The following MICAL2 variants were observed in gnomAD, a reference collection of about 807,000 sequenced individuals.
MICAL2 encodes the protein [F-actin]-monooxygenase MICAL2.
Under a neutral mutation model 127.3 loss-of-function variants are expected in MICAL2, and 77 were observed. The observed-to-expected ratio is 0.60, with a 90% CI of 0.50 to 0.73. MICAL2 has a LOEUF of 0.73. MICAL2 is among the 30% of genes least tolerant of loss of function. The probability of loss-of-function intolerance (pLI) is 0.00; values close to 1 mark genes in which losing one functional copy is unlikely to be tolerated. For synonymous variants in MICAL2, 570 were observed against 551.1 expected (o/e 1.03, Z -0.48); for missense variants, 1,351 against 1,434.4 (o/e 0.94, Z 0.94).
intron 26 of MICAL2, chr11:12,260,165 T>C (rs1211558686): frequency 1.3e-6 from 2 of 1,509,472 alleles, no homozygotes; most frequent in African/African-American, 2.8e-5. Context: ...CCAGTCAAGC[T>C]CCGCTGACAT....
chr11:12,155,302 A>G (rs1473390725), intron 2 of MICAL2, among the ~76,000 whole-genome samples: 1 of 152,196 alleles, frequency 6.6e-6, no homozygotes, highest in East Asian at 1.9e-4. Context: ...CTCACCACAC[A>G]TACATGTACA....
chr11:12,338,630 G>A (rs529783404), intron 32 of MICAL2, among the ~76,000 whole-genome samples: 6 of 152,286 alleles, frequency 3.9e-5, no homozygotes, highest in East Asian at 3.9e-4. Flanking sequence ...TCCTTCAGGA[G>A]CTCTTTTAGG....
At chr11:12,237,063 G>A (rs2050563061) in intron 16 of MICAL2, among the ~76,000 whole-genome samples, 1 of 152,170 alleles carries the variant, frequency 6.6e-6, no homozygotes, top group Admixed American at 6.5e-5. Flanking sequence ...ATAGTTGCAT[G>A]ACATGGTTGT....
intron 2 of MICAL2, among the ~76,000 whole-genome samples, chr11:12,147,595 C>T (rs930783290): frequency 2.6e-5 from 4 of 152,194 alleles, no homozygotes; most frequent in African/African-American, 7.2e-5. Flanking sequence ...GATTAGTGCA[C>T]AAAACACATG....
At chr11:12,179,805 G>C (rs975044567) in intron 3 of MICAL2, among the ~76,000 whole-genome samples, 2 of 152,208 alleles carry the variant, frequency 1.3e-5, no homozygotes, top group African/African-American at 4.8e-5. Context: ...ATAACTTAAT[G>C]CTGAGCCTCT....
At chr11:12,182,499 A>C (rs1012043235) in intron 3 of MICAL2, among the ~76,000 whole-genome samples, 2 of 152,210 alleles carry the variant, frequency 1.3e-5, no homozygotes, top group African/African-American at 4.8e-5. Flanking sequence ...CACACACGAC[A>C]CGATTCCTAG....
chr11:12,111,316 A>C (rs1213764520), intron 1 of MICAL2, among the ~76,000 whole-genome samples: 1 of 152,192 alleles, frequency 6.6e-6, no homozygotes, highest in African/African-American at 2.4e-5. Context: ...TCCGCTCTGC[A>C]TCGCGTCTCC....
At chr11:12,242,579 C>T (rs1315464316) in intron 19 of MICAL2, 92 bp from the exon 20 acceptor site, 4 of 1,439,948 alleles carry the variant, frequency 2.8e-6, no homozygotes, top group East Asian at 2.3e-5. Context: ...GCAAGGCCCC[C>T]GGCTGCCTCC....
chr11:12,332,076 C>A (rs897984516), intron 32 of MICAL2, among the ~76,000 whole-genome samples: 1 of 152,122 alleles, frequency 6.6e-6, no homozygotes, highest in Non-Finnish European at 1.5e-5. Context: ...GCCACCACCG[C>A]CCCCAAAAAA....
chr11:12,358,205 C>G (rs1939157622), intron 34 of MICAL2: 5 of 1,277,032 alleles, frequency 3.9e-6, no homozygotes, highest in Middle Eastern at 1.9e-4. Flanking sequence ...AAAGGCAGAA[C>G]AAGTCCATAA....
rs200146203 is a variant in MICAL2, at chr11:12,162,246, G to A, written c.91G>A (p.Ala31Thr). The change falls in exon 3 of 28, where the codon GCC becomes ACC. Residue 31 changes from alanine (A) to threonine (T), a missense_variant. By Grantham distance (58) the Ala-to-Thr change is moderately conservative. Transcript: ENST00000683283. ...ATCCACGTGCAAAGGTACCCTCCAG[G>A]CCTTCAACATTCTCACACGACACCT... ...QASTCKGTLQAFNILTRHLDL... is the reference protein window; with the variant it reads ...QASTCKGTLQTFNILTRHLDL... 3.8e-4 allele frequency: 617 copies of A among 1,614,074 alleles called. 4 individuals are homozygous for A. The highest frequency in any genetic ancestry group is 1.2e-3 in the Admixed American group (75 of 60,010).
chr11:12,246,713 G>A (rs12421014), intron 21 of MICAL2, among the ~76,000 whole-genome samples: 75,406 of 151,950 alleles, frequency 0.5, 18,979 homozygotes, highest in Middle Eastern at 0.67. Flanking sequence ...TGATCCTCCT[G>A]CCTCAGCCTT....
At chr11:12,340,102 T>C (rs1040785315) in intron 32 of MICAL2, among the ~76,000 whole-genome samples, 9 of 152,208 alleles carry the variant, frequency 5.9e-5, no homozygotes, top group African/African-American at 1.9e-4. Context: ...TGGTTGAATC[T>C]GAGGATGTAG....
upstream of MICAL2, among the ~76,000 whole-genome samples, chr11:12,275,776 TC>T (rs1863717170): frequency 7.9e-5 from 12 of 152,342 alleles, no homozygotes; most frequent in Middle Eastern, 0.014. Context: ...ATCTGTGCAT[TC>T]ACGCCCTACA....
At chr11:12,260,461 T>C (rs1862956343) in intron 26 of MICAL2, 1 of 1,146,222 alleles carries the variant, frequency 8.7e-7, no homozygotes, top group Non-Finnish European at 1.1e-6. Context: ...AGAAAGCATT[T>C]TTTTCTATGA....
At chr11:12,160,957 A>G (rs1229252306) in intron 2 of MICAL2, among the ~76,000 whole-genome samples, 1 of 152,168 alleles carries the variant, frequency 6.6e-6, no homozygotes, top group African/African-American at 2.4e-5. Flanking sequence ...TCCACGATGA[A>G]CACTGCCCCT....
At chr11:12,200,274 T>C (rs944315432) in intron 3 of MICAL2, among the ~76,000 whole-genome samples, 1 of 152,124 alleles carries the variant, frequency 6.6e-6, no homozygotes, top group Non-Finnish European at 1.5e-5. Context: ...TAAAATCTCA[T>C]TGAGTTTTAA....
chr11:12,165,916 G>A (rs542119777), intron 3 of MICAL2, among the ~76,000 whole-genome samples: 1 of 152,246 alleles, frequency 6.6e-6, no homozygotes, highest in South Asian at 2.1e-4. Flanking sequence ...GGTATTATTG[G>A]CACTGAATAT....
At chr11:12,348,486 A>T (rs1354336804) in intron 32 of MICAL2, among the ~76,000 whole-genome samples, 1 of 152,214 alleles carries the variant, frequency 6.6e-6, no homozygotes, top group African/African-American at 2.4e-5. Flanking sequence ...TCCTAGAACT[A>T]GTCCTCCATA....
Sources: gnomAD v4.1 joint callset for allele counts (sites outside exome capture counted in the v4.1 genomes callset) on GRCh38, gnomAD v4.1.1 for gene constraint, MANE v1.5 for transcripts, NCBI Gene and HGNC (gene_info 2026-07-23, HGNC 2026-07-21) for gene names.